Variants in WDR88 observed in about 807,000 individuals in gnomAD.
WDR88 encodes the protein WD repeat domain 88, also known as WD repeat-containing protein 88.
In WDR88, 40 loss-of-function variants were observed where a neutral mutation model predicts 46.8. That is an observed-to-expected ratio of 0.86 (90% CI 0.66 to 1.11). The LOEUF (loss-of-function observed/expected upper bound fraction) is 1.11. Ranked by LOEUF, WDR88 falls within the 50% of genes most tolerant of loss-of-function variation. WDR88 has a pLI of 0.00. For synonymous variants in WDR88, 235 were observed against 240.7 expected (o/e 0.98, Z 0.22); for missense variants, 562 against 602.4 (o/e 0.93, Z 0.70).
At chr19:33,161,978 TCTC>T (rs1464205153) in intron 8 of WDR88, among the ~76,000 whole-genome samples, 1 of 152,042 alleles carries the variant, frequency 6.6e-6, no homozygotes, top group Admixed American at 6.5e-5. Flanking sequence ...TCTCCTCTTC[TCTC>T]CTCTTTCTCT....
chr19:33,137,250 C>A (rs1299618779), intron 1 of WDR88, among the ~76,000 whole-genome samples: 1 of 125,726 alleles, frequency 8.0e-6, no homozygotes, highest in African/African-American at 3.7e-5. Context: ...CCGTGCCCAG[C>A]CAGAATTTTT....
Position 33,133,190 on chromosome 19 carries a change from A to G in WDR88, c.276+745A>G, listed in dbSNP as rs1345700146. ...AAATAAATAAATAAATAAATAAATA[A>G]ATAAATATAGAGAGAGAGAGAGAAA... On this transcript the variant is annotated intron_variant, in intron 1 of 10. Coordinates refer to ENST00000355868, the MANE Select transcript of WDR88 (RefSeq NM_173479.4). 3.1e-5 allele frequency among the ~76,000 whole-genome samples: 4 copies of G among 128,652 alleles called. No homozygotes were observed. The Admixed American group carries it at 3.2e-4, about 10-fold the overall frequency. 84.4% of individuals were successfully genotyped at this position (128,652 alleles called of 152,430 possible). A position where few individuals can be genotyped will look rare whatever the true frequency, so the allele number is the denominator to read the frequency against.
chr19:33,172,299 G>A (rs1300793840), intron 9 of WDR88, 49 bp from the exon 10 acceptor site: 7 of 1,457,762 alleles, frequency 4.8e-6, no homozygotes, highest in Non-Finnish European at 6.7e-6. Flanking sequence ...TCCTTTGTAT[G>A]GATGTACCAC....
At chr19:33,169,870 ATTTAT>A (rs563057265) in intron 9 of WDR88, among the ~76,000 whole-genome samples, 176 of 152,060 alleles carry the variant, frequency 1.2e-3, no homozygotes, top group African/African-American at 3.6e-3. Flanking sequence ...TGCATTATTT[ATTTAT>A]TTTATTTTAT....
intron 9 of WDR88, among the ~76,000 whole-genome samples, chr19:33,164,589 G>A (rs1412827202): frequency 6.6e-6 from 1 of 152,214 alleles, no homozygotes; most frequent in Non-Finnish European, 1.5e-5. Flanking sequence ...CTTTGACACT[G>A]CCCAAGGTCC....
intron 1 of WDR88, among the ~76,000 whole-genome samples, chr19:33,135,834 C>T (rs547537856): frequency 7.2e-4 from 109 of 152,322 alleles, no homozygotes; most frequent in Admixed American, 2.0e-3. Context: ...TGATAGCCAT[C>T]CTAACAAATA....
intron 2 of WDR88, among the ~76,000 whole-genome samples, chr19:33,138,287 G>A (rs1599880100): frequency 1.3e-5 from 2 of 152,218 alleles, no homozygotes; most frequent in East Asian, 3.9e-4. Context: ...CCTGACCTCA[G>A]GTGATCCACC....
At chr19:33,157,390 C>CGG (rs1836981108) in intron 7 of WDR88, among the ~76,000 whole-genome samples, 1 of 150,376 alleles carries the variant, frequency 6.6e-6, no homozygotes. Context: ...TCCAGCTATT[C>CGG]GGGAGCCTCA....
At chr19:33,160,600 T>C in intron 8 of WDR88, 104 bp downstream of exon 8, 2 of 1,195,732 alleles carry the variant, frequency 1.7e-6, no homozygotes, top group Non-Finnish European at 2.5e-6. Flanking sequence ...ACACAGGCCT[T>C]GATGCCTCTG....
chr19:33,157,620 T>TATATATGTATG (rs1386574399), intron 7 of WDR88, among the ~76,000 whole-genome samples: 2 of 145,158 alleles, frequency 1.4e-5, no homozygotes, highest in East Asian at 4.0e-4. Context: ...TATGTGTATA[T>TATATATGTATG]ATATATGTAT....
chr19:33,173,091 CAAAAAAAAA>C (rs60495323), intron 10 of WDR88, among the ~76,000 whole-genome samples: 10 of 57,278 alleles, frequency 1.7e-4, no homozygotes, highest in African/African-American at 7.4e-4. Context: ...GACTCTGTCT[CAAAAAAAAA>C]AAAAAAAAAA....
intron 2 of WDR88, among the ~76,000 whole-genome samples, chr19:33,143,381 C>T (rs996156212): frequency 3.4e-5 from 5 of 146,670 alleles, no homozygotes; most frequent in African/African-American, 1.0e-4. Context: ...CAGTGAGTCA[C>T]GCCTGTAATC....
chr19:33,162,572 G>A (rs540021639), intron 8 of WDR88, among the ~76,000 whole-genome samples: 4 of 152,158 alleles, frequency 2.6e-5, no homozygotes, highest in East Asian at 3.9e-4. Flanking sequence ...TTAAGCCACA[G>A]TGGATCGAGT....
intron 8 of WDR88, among the ~76,000 whole-genome samples, chr19:33,161,746 T>C (rs1023843183): frequency 1.3e-5 from 2 of 151,658 alleles, no homozygotes; most frequent in Non-Finnish European, 1.5e-5. Flanking sequence ...TGGAGGATCA[T>C]TGGAGGTCAG....
chr19:33,171,521 T>A (rs1974038245), intron 9 of WDR88, among the ~76,000 whole-genome samples: 1 of 152,150 alleles, frequency 6.6e-6, no homozygotes, highest in Non-Finnish European at 1.5e-5. Flanking sequence ...TCCATTTTTT[T>A]ATTGCTGCTA....
At chr19:33,135,196 C>G (rs1373719281) in intron 1 of WDR88, among the ~76,000 whole-genome samples, 1 of 152,054 alleles carries the variant, frequency 6.6e-6, no homozygotes, top group African/African-American at 2.4e-5. Flanking sequence ...CTGTACTCCC[C>G]AGTTCCCCAA....
intron 2 of WDR88, among the ~76,000 whole-genome samples, chr19:33,140,817 A>G (rs1973375029): frequency 6.6e-6 from 1 of 151,984 alleles, no homozygotes; most frequent in South Asian, 2.1e-4. Flanking sequence ...ACATATGCCA[A>G]CATATTCACA....
chr19:33,149,816 C>A (rs112076840), intron 5 of WDR88, among the ~76,000 whole-genome samples: 8,922 of 152,028 alleles, frequency 0.059, 881 homozygotes, highest in African/African-American at 0.2. Context: ...CCCACCACCA[C>A]GCCCAGCTAA....
intron 8 of WDR88, among the ~76,000 whole-genome samples, chr19:33,162,947 C>T (rs990633205): frequency 2.3e-4 from 35 of 152,078 alleles, no homozygotes; most frequent in African/African-American, 8.2e-4. Context: ...CCTGTAATCC[C>T]AGCACTTTGT....
Sources: gnomAD v4.1 joint callset for allele counts (sites outside exome capture counted in the v4.1 genomes callset) on GRCh38, gnomAD v4.1.1 for gene constraint, MANE v1.5 for transcripts, NCBI Gene and HGNC (gene_info 2026-07-23, HGNC 2026-07-21) for gene names.